Variants in MAPK8 observed in about 807,000 individuals in gnomAD.
MAPK8 encodes mitogen-activated protein kinase 8, also known as JUN N-terminal kinase.
A neutral mutation model predicts 52.9 loss-of-function variants in MAPK8; 13 were observed. That is an observed-to-expected ratio of 0.25 (90% CI 0.16 to 0.39). The LOEUF (loss-of-function observed/expected upper bound fraction) is 0.39. MAPK8 is among the 10% of genes least tolerant of loss of function. The probability of loss-of-function intolerance (pLI) is 1.00; values close to 1 mark genes in which losing one functional copy is unlikely to be tolerated. For synonymous variants in MAPK8, 191 were observed against 169.8 expected, an observed-to-expected ratio of 1.12 and a Z score of -0.97; for missense variants, 300 against 519.2, an observed-to-expected ratio of 0.58 and a Z score of 4.10.
chr10:48,416,044 T>TG (rs1258521520), intron 5 of MAPK8, among the ~76,000 whole-genome samples: 3 of 152,146 alleles, frequency 2.0e-5, no homozygotes, highest in Non-Finnish European at 2.9e-5. Flanking sequence ...TTTTTGCAGG[T>TG]GGTCTTGAGG....
chr10:48,437,909 C>G lies in MAPK8; in HGVS notation c.*2880C>G, dbSNP rs1406341228. On this transcript the variant is annotated 3_prime_UTR_variant, in exon 12 of 12. Coordinates refer to ENST00000374189, the MANE Select transcript of MAPK8 (RefSeq NM_001323329.2). The stretch of plus-strand genomic sequence containing the variant: ...TTCTATGCTAATCCTGCTGTGTTGT[C>G]TAAAAGATGGAGGGAAGAGGACATC... The G allele has an allele frequency of 6.6e-6, 1 of 152,156 alleles. No individual in the cohort carries two copies. The highest frequency in any genetic ancestry group is 1.5e-5 in the Non-Finnish European group (1 of 68,030). The allele number at this position is 152,156 out of a possible 1,614,324, so 9.4% of individuals were successfully genotyped here.
At chr10:48,320,675 A>G (rs1005867875) in intron 1 of MAPK8, among the ~76,000 whole-genome samples, 1 of 152,250 alleles carries the variant, frequency 6.6e-6, no homozygotes, top group Non-Finnish European at 1.5e-5. Flanking sequence ...CAAGTTATGA[A>G]TATGAACATT....
chr10:48,415,442 C>A (rs1161231571), intron 5 of MAPK8, among the ~76,000 whole-genome samples: 9 of 152,084 alleles, frequency 5.9e-5, no homozygotes, highest in Admixed American at 2.6e-4. Context: ...AAAACAAACA[C>A]AAAATTACAA....
chr10:48,346,819 C>T (rs939212809), intron 1 of MAPK8, among the ~76,000 whole-genome samples: 1 of 152,166 alleles, frequency 6.6e-6, no homozygotes, highest in African/African-American at 2.4e-5. Flanking sequence ...CTGTCTTTCT[C>T]TGTCTCCTCT....
At chr10:48,318,181 G>A (rs1389393137) in intron 1 of MAPK8, among the ~76,000 whole-genome samples, 1 of 152,134 alleles carries the variant, frequency 6.6e-6, no homozygotes, top group South Asian at 2.1e-4. Context: ...GCAGCCTTGA[G>A]GCAGAATTTT....
intron 10 of MAPK8, among the ~76,000 whole-genome samples, chr10:48,429,417 C>T (rs769571781): frequency 6.6e-6 from 1 of 152,152 alleles, no homozygotes; most frequent in South Asian, 2.1e-4. Flanking sequence ...ACTCCTAGCC[C>T]CAGGTGCATG....
intron 1 of MAPK8, among the ~76,000 whole-genome samples, chr10:48,385,524 A>T (rs983129631): frequency 5.9e-5 from 9 of 152,176 alleles, no homozygotes; most frequent in African/African-American, 1.9e-4. Context: ...GACGAGAAAT[A>T]CTTAGTGTCT....
At position 48,438,616 on chromosome 10, in the gene MAPK8, G is replaced by GT. The variant is rs2045050420; in HGVS notation, c.*3592dup. ...CATAATGACTTACAAATTAAACTAG[G>GT]TTTTTATTGAACTACCTCACACTAA... On this transcript the variant is annotated 3_prime_UTR_variant, in exon 12 of 12. Coordinates refer to ENST00000374189, the MANE Select transcript of MAPK8 (RefSeq NM_001323329.2). 1.3e-5 allele frequency: 2 copies of GT among 152,300 alleles called. No homozygotes were observed. The highest frequency in any genetic ancestry group is 4.8e-5 in the African/African-American group (2 of 41,570). The allele number at this position is 152,300 out of a possible 1,614,324, so 9.4% of individuals were successfully genotyped here. A position where few individuals can be genotyped will look rare whatever the true frequency, so the allele number is the denominator to read the frequency against.
chr10:48,341,559 A>G (rs762176554), intron 1 of MAPK8, among the ~76,000 whole-genome samples: 18 of 152,330 alleles, frequency 1.2e-4, no homozygotes, highest in Middle Eastern at 3.4e-3. Context: ...TACTCAAGCT[A>G]TAGTAGATTT....
chr10:48,366,388 C>T (rs1203088425), intron 1 of MAPK8, among the ~76,000 whole-genome samples: 2 of 152,124 alleles, frequency 1.3e-5, no homozygotes, highest in Admixed American at 6.6e-5. Flanking sequence ...GTTCTAATAA[C>T]AGGGAAAAAT....
intron 10 of MAPK8, 31 bp from the exon 11 acceptor site, chr10:48,431,162 A>T: frequency 6.8e-7 from 1 of 1,471,630 alleles, no homozygotes; most frequent in South Asian, 1.1e-5. Flanking sequence ...TTAGACTTTG[A>T]AAAGTTCATT....
In MAPK8 at chr10:48,373,571, C is replaced by CAAAAAAAAAAAAA; in HGVS notation, c.-49-28026_-49-28014dup. ...GAAGATTTACCAAGTAAATTGAAAG[C>CAAAAAAAAAAAAA]AAAAAAAAAAAAAAAAAAAAAAAAA... On this transcript the variant is annotated intron_variant, in intron 1 of 11. Transcript: ENST00000374189. Among the ~76,000 whole-genome samples the CAAAAAAAAAAAAA allele has an allele frequency of 1.4e-3, 24 of 16,842 alleles. 8 individuals carry two copies. The highest frequency in any genetic ancestry group is 3.0e-3 in the African/African-American group (19 of 6,370). The allele number at this position is 16,842 out of a possible 152,430, so 11.0% of individuals were successfully genotyped here. A position where few individuals can be genotyped will look rare whatever the true frequency, so the allele number is the denominator to read the frequency against.
chr10:48,319,624 C>T (rs997608775), intron 1 of MAPK8, among the ~76,000 whole-genome samples: 2 of 151,236 alleles, frequency 1.3e-5, no homozygotes, highest in Non-Finnish European at 3.0e-5. Flanking sequence ...CGAGTAGCTG[C>T]GATTACAGGT....
intron 1 of MAPK8, among the ~76,000 whole-genome samples, chr10:48,313,060 A>G (rs1391525598): frequency 1.3e-5 from 2 of 152,228 alleles, no homozygotes; most frequent in East Asian, 3.8e-4. Context: ...AAGATAATGT[A>G]GCACATCTAC....
chr10:48,339,329 A>G (rs908266668), intron 1 of MAPK8, among the ~76,000 whole-genome samples: 8 of 152,184 alleles, frequency 5.3e-5, no homozygotes, highest in African/African-American at 1.9e-4. Context: ...AAAATAAGCA[A>G]TAGAGAAAGG....
chr10:48,387,562 T>C (rs1269676402), intron 1 of MAPK8, among the ~76,000 whole-genome samples: 1 of 152,192 alleles, frequency 6.6e-6, no homozygotes. Context: ...AAACTGCTTA[T>C]GGTAGTGACA....
chr10:48,382,952 G>A (rs201235335), intron 1 of MAPK8, among the ~76,000 whole-genome samples: 10 of 105,960 alleles, frequency 9.4e-5, no homozygotes, highest in South Asian at 2.8e-4. Flanking sequence ...ATATATATAT[G>A]TATATATATA....
At position 48,435,122 on chromosome 10, in the gene MAPK8, T is replaced by G; in HGVS notation, c.*93T>G. ...ACAATTCAGTGGTCTTATTTTTGGG[T>G]GATTTTTCAAAAAATGTAGAATTCA... On this transcript the variant is annotated 3_prime_UTR_variant, in exon 12 of 12. Transcript: ENST00000374189. 1 of 996,542 alleles carries G rather than the reference T, an allele frequency of 1.0e-6. No homozygotes were observed. Among genetic ancestry groups the G allele is most frequent in the Non-Finnish European group, 1.4e-6 (1 of 720,326 alleles). 61.7% of individuals were successfully genotyped at this position (996,542 alleles called of 1,614,324 possible). A position where few individuals can be genotyped will look rare whatever the true frequency, so the allele number is the denominator to read the frequency against.
chr10:48,353,844 G>C (rs1287805631), intron 1 of MAPK8, among the ~76,000 whole-genome samples: 1 of 152,176 alleles, frequency 6.6e-6, no homozygotes, highest in African/African-American at 2.4e-5. Context: ...ACAAATAACA[G>C]ATTAGTTGTT....
Sources: gnomAD v4.1 joint callset for allele counts (sites outside exome capture counted in the v4.1 genomes callset) on GRCh38, gnomAD v4.1.1 for gene constraint, MANE v1.5 for transcripts, NCBI Gene and HGNC (gene_info 2026-07-23, HGNC 2026-07-21) for gene names.